The following ARB2A variants were observed in gnomAD, a reference collection of about 807,000 sequenced individuals.
The protein encoded by ARB2A is cotranscriptional regulator ARB2A.
At chr5:94,057,138 A>G in the ARB2A span, among the ~76,000 whole-genome samples, 1 of 152,224 alleles carries the variant, frequency 6.6e-6, no homozygotes, top group South Asian at 2.1e-4. Context: ...CAGCTTGCTG[A>G]TAACAGAACT....
the ARB2A span, among the ~76,000 whole-genome samples, chr5:93,759,174 T>C: frequency 1.3e-5 from 2 of 151,836 alleles, no homozygotes; most frequent in African/African-American, 4.8e-5. Flanking sequence ...CCTGGAAAAA[T>C]ACAACCCTCC....
At chr5:94,006,978 T>C in the ARB2A span, among the ~76,000 whole-genome samples, 1 of 152,226 alleles carries the variant, frequency 6.6e-6, no homozygotes, top group Non-Finnish European at 1.5e-5. Context: ...AAATCTGATG[T>C]CACAAATCTG....
the ARB2A span, among the ~76,000 whole-genome samples, chr5:93,640,668 A>G: frequency 6.7e-6 from 1 of 150,098 alleles, no homozygotes; most frequent in Non-Finnish European, 1.5e-5. Flanking sequence ...ATATACACAC[A>G]TATATATATT....
chr5:93,765,391 T>A, the ARB2A span, among the ~76,000 whole-genome samples: 5 of 152,186 alleles, frequency 3.3e-5, no homozygotes, highest in Non-Finnish European at 5.9e-5. Context: ...AACATTCTTA[T>A]ACACCAATAA....
chr5:93,868,878 A>C, the ARB2A span, among the ~76,000 whole-genome samples: 2 of 152,158 alleles, frequency 1.3e-5, no homozygotes, highest in African/African-American at 2.4e-5. Context: ...AGGAAACTCT[A>C]TTTCTTTAAT....
chr5:94,096,212 C>A, the ARB2A span, among the ~76,000 whole-genome samples: 1 of 152,162 alleles, frequency 6.6e-6, no homozygotes, highest in Non-Finnish European at 1.5e-5. Flanking sequence ...ATCTAACCAT[C>A]AATCTTTTCA....
chr5:93,631,934 T>C, the ARB2A span, among the ~76,000 whole-genome samples: 1 of 152,224 alleles, frequency 6.6e-6, no homozygotes, highest in African/African-American at 2.4e-5. Context: ...TATCCAAATC[T>C]GTGGCCCTCC....
At chr5:93,844,724 T>G in the ARB2A span, among the ~76,000 whole-genome samples, 1 of 152,164 alleles carries the variant, frequency 6.6e-6, no homozygotes, top group Admixed American at 6.5e-5. Flanking sequence ...ATACAGCAGT[T>G]AACCAGAAAG....
chr5:93,817,087 AACAC>A, the ARB2A span, among the ~76,000 whole-genome samples: 1,022 of 144,318 alleles, frequency 7.1e-3, 10 homozygotes, highest in East Asian at 0.03. Context: ...AATACACACA[AACAC>A]ACACACACAC....
chr5:94,045,879 G>A, the ARB2A span, among the ~76,000 whole-genome samples: 623 of 151,976 alleles, frequency 4.1e-3, no homozygotes, highest in Non-Finnish European at 7.5e-3. Flanking sequence ...CATCTTTAAC[G>A]TTGTCTTAAA....
At chr5:94,001,166 TA>T in the ARB2A span, among the ~76,000 whole-genome samples, 2 of 152,142 alleles carry the variant, frequency 1.3e-5, no homozygotes, top group Non-Finnish European at 2.9e-5. Context: ...AGAATCAGTT[TA>T]TTAATATCCA....
At chr5:94,041,708 C>T in the ARB2A span, among the ~76,000 whole-genome samples, 2 of 152,038 alleles carry the variant, frequency 1.3e-5, no homozygotes, top group Non-Finnish European at 2.9e-5. Context: ...TATTAAGTTT[C>T]CTAAATGCTT....
At chr5:93,684,790 G>C in the ARB2A span, among the ~76,000 whole-genome samples, 2 of 152,112 alleles carry the variant, frequency 1.3e-5, no homozygotes, top group African/African-American at 4.8e-5. Flanking sequence ...AAACATCCTA[G>C]TTAGCAACCA....
At chr5:93,816,346 T>C in the ARB2A span, among the ~76,000 whole-genome samples, 2 of 152,204 alleles carry the variant, frequency 1.3e-5, no homozygotes, top group African/African-American at 4.8e-5. Flanking sequence ...TAGTCTCATA[T>C]TTGCAGTAAA....
At chr5:93,669,324 C>T in the ARB2A span, among the ~76,000 whole-genome samples, 3 of 152,246 alleles carry the variant, frequency 2.0e-5, no homozygotes, top group South Asian at 4.1e-4. Context: ...AAATGTAACA[C>T]TTAAATGGTA....
the ARB2A span, among the ~76,000 whole-genome samples, chr5:93,745,371 C>T: frequency 6.6e-6 from 1 of 152,172 alleles, no homozygotes; most frequent in Non-Finnish European, 1.5e-5. Flanking sequence ...GATATGGAAC[C>T]ACCTAAATTC....
At chr5:93,946,912 TCTC>T in the ARB2A span, among the ~76,000 whole-genome samples, 1 of 152,236 alleles carries the variant, frequency 6.6e-6, no homozygotes. Context: ...TACATGCTTT[TCTC>T]CTATTTTTTT....
chr5:93,663,745 G>C, the ARB2A span, among the ~76,000 whole-genome samples: 1 of 152,148 alleles, frequency 6.6e-6, no homozygotes, highest in Non-Finnish European at 1.5e-5. Context: ...TTAGCTAAAT[G>C]TAATTTCCAT....
At chr5:93,905,077 C>A in the ARB2A span, among the ~76,000 whole-genome samples, 1 of 151,692 alleles carries the variant, frequency 6.6e-6, no homozygotes, top group African/African-American at 2.4e-5. Flanking sequence ...CTCTGTCCTA[C>A]GAATTGTCTC....
Sources: gnomAD v4.1 joint callset for allele counts (sites outside exome capture counted in the v4.1 genomes callset) on GRCh38, gnomAD v4.1.1 for gene constraint, MANE v1.5 for transcripts, NCBI Gene and HGNC (gene_info 2026-07-23, HGNC 2026-07-21) for gene names.